Variants in FGF14 observed in about 807,000 individuals in gnomAD.
FGF14 encodes fibroblast growth factor 14.
Under a neutral mutation model 25.5 loss-of-function variants are expected in FGF14, and 5 were observed. The observed-to-expected ratio is 0.20, with a 90% CI of 0.10 to 0.41. FGF14 has a LOEUF of 0.41. Ranked by LOEUF, FGF14 falls within the 10% of genes least tolerant of loss-of-function variation. The probability of loss-of-function intolerance (pLI) is 1.00; values close to 1 mark genes in which losing one functional copy is unlikely to be tolerated. For missense variants in FGF14, 222 were observed against 320.1 expected (o/e 0.69, Z 2.34); for synonymous variants, 138 against 118.3 (o/e 1.17, Z -1.08).
At chr13:102,329,160 A>G (rs2056557385) in intron 1 of FGF14, among the ~76,000 whole-genome samples, 2 of 152,124 alleles carry the variant, frequency 1.3e-5, no homozygotes, top group Non-Finnish European at 2.9e-5. Flanking sequence ...CCATGAGCTT[A>G]CATCAAAGCT....
At chr13:101,989,864 G>A (rs916349652) in intron 1 of FGF14, among the ~76,000 whole-genome samples, 2 of 152,026 alleles carry the variant, frequency 1.3e-5, no homozygotes, top group African/African-American at 2.4e-5. Context: ...CCTTTCGAAT[G>A]TCATCCTGTA....
chr13:102,232,287 A>G (rs1403544627), intron 1 of FGF14, among the ~76,000 whole-genome samples: 2 of 83,302 alleles, frequency 2.4e-5, no homozygotes, highest in Admixed American at 2.6e-4. Context: ...AAGCTGAAGA[A>G]AAGAATAAAA....
At chr13:102,059,601 A>G (rs2042585676) in intron 1 of FGF14, among the ~76,000 whole-genome samples, 1 of 152,256 alleles carries the variant, frequency 6.6e-6, no homozygotes, top group Admixed American at 6.5e-5. Context: ...CTGTAATCCC[A>G]GCACTTTGGG....
chr13:102,352,383 TGGG>T (rs1230092599), intron 1 of FGF14, among the ~76,000 whole-genome samples: 1 of 151,734 alleles, frequency 6.6e-6, no homozygotes, highest in Admixed American at 6.6e-5. Flanking sequence ...GAGGAAAACA[TGGG>T]GGGAATTTTA....
chr13:102,285,953 C>A (rs946333986), intron 1 of FGF14, among the ~76,000 whole-genome samples: 1 of 152,042 alleles, frequency 6.6e-6, no homozygotes, highest in Non-Finnish European at 1.5e-5. Context: ...GAGGGGGTAC[C>A]CCTCATGGAA....
intron 1 of FGF14, among the ~76,000 whole-genome samples, chr13:102,010,108 ATTTAG>A (rs1159441795): frequency 5.3e-5 from 8 of 152,186 alleles, no homozygotes; most frequent in Non-Finnish European, 1.5e-5. Flanking sequence ...TCTGGGCCCT[ATTTAG>A]TTATTTTCAC....
chr13:101,927,821 C>A (rs1038689857), intron 1 of FGF14, among the ~76,000 whole-genome samples: 1 of 152,140 alleles, frequency 6.6e-6, no homozygotes, highest in Non-Finnish European at 1.5e-5. Flanking sequence ...GGCTCCACCT[C>A]CCCAGAGCCT....
chr13:102,393,689 G>A (rs1373362798), intron 1 of FGF14: 2 of 152,162 alleles, frequency 1.3e-5, no homozygotes, highest in African/African-American at 4.8e-5. Context: ...TCTATGAAGC[G>A]CATGAGGAGC....
chr13:101,843,477 C>T (rs1244562748), intron 3 of FGF14, among the ~76,000 whole-genome samples: 1 of 151,972 alleles, frequency 6.6e-6, no homozygotes, highest in Admixed American at 6.6e-5. Context: ...GTTCTGCCAC[C>T]ATTTATTCGT....
At chr13:101,726,139 G>A (rs1392349220) in intron 4 of FGF14, among the ~76,000 whole-genome samples, 2 of 151,908 alleles carry the variant, frequency 1.3e-5, no homozygotes, top group Non-Finnish European at 2.9e-5. Context: ...TTATTTTTCT[G>A]TAATTATAAT....
At chr13:101,742,942 A>T (rs2036647518) in intron 3 of FGF14, among the ~76,000 whole-genome samples, 1 of 152,160 alleles carries the variant, frequency 6.6e-6, no homozygotes, top group African/African-American at 2.4e-5. Flanking sequence ...GACATAAGTG[A>T]CTATTTCTGT....
intron 1 of FGF14, among the ~76,000 whole-genome samples, chr13:102,189,023 AAGAAAAG>A (rs2049010540): frequency 1.4e-5 from 1 of 70,574 alleles, no homozygotes; most frequent in Non-Finnish European, 2.8e-5. Flanking sequence ...AGAATGAAAG[AAGAAAAG>A]AAAGAAAGAA....
intron 1 of FGF14, among the ~76,000 whole-genome samples, chr13:101,935,442 CCT>C (rs958288052): frequency 5.9e-4 from 90 of 152,316 alleles, no homozygotes; most frequent in African/African-American, 2.1e-3. Context: ...CCCATAATCC[CCT>C]GTGTCATGGG....
intron 1 of FGF14, among the ~76,000 whole-genome samples, chr13:101,936,261 C>G (rs1430584283): frequency 6.6e-6 from 1 of 152,184 alleles, no homozygotes; most frequent in Admixed American, 6.5e-5. Context: ...TGGGCACTTA[C>G]GTGGTCAAGA....
chr13:101,885,529 A>G (rs1369924550), intron 1 of FGF14, among the ~76,000 whole-genome samples: 1 of 152,188 alleles, frequency 6.6e-6, no homozygotes, highest in Non-Finnish European at 1.5e-5. Context: ...TGGGAAAGGC[A>G]CTACTCAGCG....
At chr13:102,032,796 G>A (rs1467488918) in intron 1 of FGF14, among the ~76,000 whole-genome samples, 1 of 152,092 alleles carries the variant, frequency 6.6e-6, no homozygotes, top group South Asian at 2.1e-4. Context: ...GGCCGTCCAT[G>A]AGGAAAAGAC....
chr13:102,035,657 A>G (rs1025751246), intron 1 of FGF14, among the ~76,000 whole-genome samples: 1 of 152,150 alleles, frequency 6.6e-6, no homozygotes, highest in African/African-American at 2.4e-5. Context: ...TTTCATGAGG[A>G]AGGAAGCTAT....
At chr13:101,753,960 T>A (rs779891835) in intron 3 of FGF14, among the ~76,000 whole-genome samples, 6 of 151,956 alleles carry the variant, frequency 3.9e-5, no homozygotes, top group Non-Finnish European at 1.5e-5. Flanking sequence ...ACACTGCCCA[T>A]GAAAAAAACA....
chr13:101,999,307 C>G (rs1176840521), intron 1 of FGF14, among the ~76,000 whole-genome samples: 4 of 152,160 alleles, frequency 2.6e-5, no homozygotes, highest in Non-Finnish European at 5.9e-5. Context: ...TGGAAAAAAT[C>G]TAGCAATGTG....
Sources: gnomAD v4.1 joint callset for allele counts (sites outside exome capture counted in the v4.1 genomes callset) on GRCh38, gnomAD v4.1.1 for gene constraint, MANE v1.5 for transcripts, NCBI Gene and HGNC (gene_info 2026-07-23, HGNC 2026-07-21) for gene names.